ANTXR1: variants seen among roughly 807,000 people sequenced by gnomAD.
The protein encoded by ANTXR1 is ANTXR cell adhesion molecule 1, also known as anthrax toxin receptor 1.
A neutral mutation model predicts 78.1 loss-of-function variants in ANTXR1; 19 were observed. That is an observed-to-expected ratio of 0.24 (90% CI 0.17 to 0.36). The LOEUF (loss-of-function observed/expected upper bound fraction) is 0.36. Ranked by LOEUF, ANTXR1 falls within the 10% of genes least tolerant of loss-of-function variation. The pLI is 1.00. For missense variants in ANTXR1, 518 were observed against 718.6 expected, an observed-to-expected ratio of 0.72 and a Z score of 3.19; for synonymous variants, 273 against 260.5, an observed-to-expected ratio of 1.05 and a Z score of -0.46.
intron 3 of ANTXR1, among the ~76,000 whole-genome samples, chr2:69,063,269 C>T (rs893860000): frequency 6.6e-5 from 10 of 151,318 alleles, no homozygotes; most frequent in African/African-American, 9.7e-5. Flanking sequence ...ATCTAAAAAG[C>T]GGCCAGAGGG....
At chr2:69,094,384 G>A (rs1256035343) in intron 9 of ANTXR1, among the ~76,000 whole-genome samples, 1 of 152,134 alleles carries the variant, frequency 6.6e-6, no homozygotes, top group African/African-American at 2.4e-5. Flanking sequence ...AAGAGTATCT[G>A]CAAAATGATT....
chr2:69,170,225 C>A, intron 13 of ANTXR1, 23 bp from the exon 14 acceptor site: 2 of 1,614,086 alleles, frequency 1.2e-6, no homozygotes, highest in South Asian at 1.1e-5. Flanking sequence ...TTTTCACTGA[C>A]CTGTTCTCTG....
At chr2:69,141,902 G>A (rs1243368796) in intron 12 of ANTXR1, among the ~76,000 whole-genome samples, 6 of 152,158 alleles carry the variant, frequency 3.9e-5, no homozygotes, top group African/African-American at 7.2e-5. Context: ...CCCCCAAATA[G>A]ATGCTGGGTT....
chr2:69,057,199 T>G (rs1349638080), intron 3 of ANTXR1, among the ~76,000 whole-genome samples: 1 of 152,250 alleles, frequency 6.6e-6, no homozygotes, highest in Non-Finnish European at 1.5e-5. Context: ...TTTCTAACTT[T>G]TTGTTATTAT....
chr2:69,167,059 G>C (rs1397060606), intron 13 of ANTXR1, among the ~76,000 whole-genome samples: 4 of 152,188 alleles, frequency 2.6e-5, no homozygotes, highest in African/African-American at 9.7e-5. Flanking sequence ...GGAGGAGGTA[G>C]CGAGCATTTG....
chr2:69,045,749 A>G (rs958895269), intron 3 of ANTXR1, among the ~76,000 whole-genome samples: 3 of 152,142 alleles, frequency 2.0e-5, no homozygotes, highest in Non-Finnish European at 2.9e-5. Flanking sequence ...TTTGTAACAG[A>G]AAGAGTGCTC....
At chr2:69,120,427 AG>A (rs1392371964) in intron 10 of ANTXR1, among the ~76,000 whole-genome samples, 1 of 152,206 alleles carries the variant, frequency 6.6e-6, no homozygotes, top group Non-Finnish European at 1.5e-5. Flanking sequence ...GCACTTTGGG[AG>A]GCCGAGGCAG....
intron 1 of ANTXR1, among the ~76,000 whole-genome samples, chr2:69,037,674 T>C (rs1318739738): frequency 6.6e-6 from 1 of 152,100 alleles, no homozygotes; most frequent in Non-Finnish European, 1.5e-5. Flanking sequence ...TTCGCCATGT[T>C]AGCCAGGCTG....
At chr2:69,125,461 A>G (rs1672502787) in intron 12 of ANTXR1, among the ~76,000 whole-genome samples, 2 of 152,198 alleles carry the variant, frequency 1.3e-5, no homozygotes, top group Non-Finnish European at 2.9e-5. Flanking sequence ...AGAACCCGTC[A>G]GCCTCTGGAG....
At chr2:69,179,424 G>GA (rs1674217739) in intron 14 of ANTXR1, among the ~76,000 whole-genome samples, 1 of 151,484 alleles carries the variant, frequency 6.6e-6, no homozygotes, top group South Asian at 2.1e-4. Flanking sequence ...ATATGTGTCT[G>GA]TAGTCCCAGC....
chr2:69,200,653 C>T (rs904028873), intron 17 of ANTXR1, among the ~76,000 whole-genome samples: 1 of 152,188 alleles, frequency 6.6e-6, no homozygotes, highest in Non-Finnish European at 1.5e-5. Context: ...TTTCCCTCAA[C>T]AAAAACCAAT....
In ANTXR1 at chr2:69,146,095, G is replaced by A. The variant is rs921615561; in HGVS notation, c.952-6074G>A. 18 of 985,332 alleles carry A rather than the reference G, an allele frequency of 1.8e-5. 1 individual carries two copies. The highest frequency in any genetic ancestry group is 1.6e-4 in the African/African-American group (9 of 57,230). 61.0% of individuals were successfully genotyped at this position (985,332 alleles called of 1,614,324 possible). Reference sequence around the variant, plus strand: ...ATGTCATCCCTAATGACACATGCCCGAATGAAGGAGCGGGGCTGAGCTTGT... The same window carrying A: ...ATGTCATCCCTAATGACACATGCCCAAATGAAGGAGCGGGGCTGAGCTTGT... On this transcript the variant is annotated intron_variant, in intron 12 of 17. Transcript: ENST00000303714.
intron 17 of ANTXR1, among the ~76,000 whole-genome samples, chr2:69,244,315 C>G (rs1197919527): frequency 6.6e-6 from 1 of 152,242 alleles, no homozygotes; most frequent in African/African-American, 2.4e-5. Context: ...CAGATGCCTG[C>G]TTGGCAATAG....
intron 3 of ANTXR1, among the ~76,000 whole-genome samples, chr2:69,050,074 G>A (rs180675620): frequency 1.2e-3 from 183 of 152,092 alleles, no homozygotes; most frequent in African/African-American, 4.1e-3. Flanking sequence ...TGAGAGGATC[G>A]CTTGAGCCCA....
chr2:69,042,813 C>A (rs1023403046), intron 2 of ANTXR1, among the ~76,000 whole-genome samples: 4 of 152,188 alleles, frequency 2.6e-5, no homozygotes, highest in African/African-American at 9.6e-5. Flanking sequence ...GAGCACTCTG[C>A]AGCCTTTAGT....
chr2:69,162,671 G>C (rs908930302), intron 13 of ANTXR1, among the ~76,000 whole-genome samples: 8 of 152,168 alleles, frequency 5.3e-5, no homozygotes, highest in Non-Finnish European at 1.0e-4. Context: ...CAAAAGACCA[G>C]AGAAAGGATG....
chr2:69,214,055 G>A (rs1349570491), intron 17 of ANTXR1, among the ~76,000 whole-genome samples: 1 of 152,284 alleles, frequency 6.6e-6, no homozygotes, highest in Non-Finnish European at 1.5e-5. Flanking sequence ...GGCCAGAGCA[G>A]CGCCTCCACA....
At chr2:69,186,808 C>G (rs900799902) in intron 16 of ANTXR1, among the ~76,000 whole-genome samples, 3 of 152,348 alleles carry the variant, frequency 2.0e-5, no homozygotes, top group South Asian at 4.1e-4. Flanking sequence ...CCCTGCAAAT[C>G]CTTGGCTCTT....
At chr2:69,071,941 A>G (rs959130557) in intron 5 of ANTXR1, among the ~76,000 whole-genome samples, 154 bp downstream of exon 5, 3 of 152,240 alleles carry the variant, frequency 2.0e-5, no homozygotes, top group South Asian at 2.1e-4. Flanking sequence ...AGGAATGCAT[A>G]GAAAGGTGGC....
Sources: allele counts gnomAD v4.1 joint callset (sites outside exome capture counted in the v4.1 genomes callset), GRCh38; gene constraint gnomAD v4.1.1; transcripts MANE v1.5; gene names NCBI Gene and HGNC (gene_info 2026-07-23, HGNC 2026-07-21).